TTN: variants seen among roughly 807,000 people sequenced by gnomAD.
TTN encodes the protein connectin.
In TTN, 1,525 loss-of-function variants were observed where a neutral mutation model predicts 3,223.0. That is an observed-to-expected ratio of 0.47 (90% CI 0.45 to 0.49). TTN has a LOEUF of 0.49. Ranked by LOEUF, TTN falls within the 20% of genes least tolerant of loss-of-function variation. The probability of loss-of-function intolerance (pLI) is 0.00; values close to 1 mark genes in which losing one functional copy is unlikely to be tolerated. For synonymous variants in TTN, 14,094 were observed against 15,161.0 expected, an observed-to-expected ratio of 0.93 and a Z score of 5.17; for missense variants, 40,786 against 43,424.0, an observed-to-expected ratio of 0.94 and a Z score of 5.40.
At chr2:178,547,340 A>G (rs759864880) in intron 339 of TTN, 35 bp from the exon 340 acceptor site, 17 of 1,574,264 alleles carry the variant, frequency 1.1e-5, no homozygotes, top group South Asian at 2.4e-5. Flanking sequence ...TATGAATACA[A>G]TTTTATAAAA....
chr2:178,672,577 TA>T, intron 153 of TTN, 57 bp downstream of exon 153: 2 of 1,605,434 alleles, frequency 1.2e-6, no homozygotes, highest in Non-Finnish European at 1.7e-6. Context: ...ACATGAAACA[TA>T]AAAGTCTTAA....
intron 267 of TTN, 45 bp from the exon 268 acceptor site, chr2:178,611,999 CAGTT>C (rs2056412872): frequency 6.2e-7 from 1 of 1,603,790 alleles, no homozygotes; most frequent in African/African-American, 1.3e-5. Flanking sequence ...TGAAAAAACA[CAGTT>C]AAGAATTTGC....
At position 178,591,644 on chromosome 2, in the gene TTN, C is replaced by G. The variant is rs778467153; in HGVS notation, c.60175G>C (p.Gly20059Arg). The G allele has an allele frequency of 6.2e-7, 1 of 1,613,368 alleles. No individual in the cohort carries two copies. Among genetic ancestry groups the G allele is most frequent in the Non-Finnish European group, 8.5e-7 (1 of 1,179,524 alleles). The change falls in exon 303 of 363, where the codon GGT becomes CGT. Residue 20059 changes from glycine (G) to arginine (R), a missense_variant. Transcript: ENST00000589042. ...ATCGGGATAGTTGTGTCAGGGAGAC[C>G]AAGACCCACAATGTTTTCAGCTTTT... ...RVKAENIVGL[G>R]LPDTTIPIEC... is the part of the protein sequence containing the mutation.
At chr2:178,713,049 T>C (rs1204396752) in intron 93 of TTN, 36 bp downstream of exon 93, 6 of 1,606,698 alleles carry the variant, frequency 3.7e-6, no homozygotes, top group Non-Finnish European at 5.1e-6. Flanking sequence ...TAATAAACTA[T>C]GAAATGCAAT....
Position 178,665,363 on chromosome 2 carries a change from C to G in TTN, c.36043+14G>C. 6.2e-7 allele frequency: 1 copy of G among 1,609,310 alleles called. No homozygotes were observed. The highest frequency in any genetic ancestry group is 8.5e-7 in the Non-Finnish European group (1 of 1,176,870). ...GATAATTTCTTCTTCCACATTTGTT[C>G]AGAGGTAACGTACTTTTCATACGTG... On this transcript the variant is annotated intron_variant, in intron 165 of 362. Transcript: ENST00000589042.
chr2:178,778,734 G>A (rs1351840458), intron 24 of TTN, 140 bp downstream of exon 24: 1 of 1,196,536 alleles, frequency 8.4e-7, no homozygotes, highest in Middle Eastern at 2.6e-4. Context: ...AAAACTTCTG[G>A]CAATTGTTGG....
In TTN at chr2:178,633,593, T is replaced by G; in HGVS notation, c.42766A>C (p.Lys14256Gln). 7.4e-6 allele frequency: 12 copies of G among 1,613,420 alleles called. No homozygotes were observed. The highest frequency in any genetic ancestry group is 1.0e-5 in the Non-Finnish European group (12 of 1,179,618). The stretch of plus-strand genomic sequence containing the variant: ...TTGAACCATTTCACTGGTACATCTT[T>G]GCTCACTTCACACTTCAAAGTAATC... Reference protein sequence around the residue: ...DEITLKCEVSKDVPVKWFKDG... With the variant: ...DEITLKCEVSQDVPVKWFKDG... The change falls in exon 232 of 363, where the codon AAA becomes CAA. Residue 14256 changes from lysine (K) to glutamine (Q), a missense_variant. Transcript: ENST00000589042.
chr2:178,741,097 G>GTGTC lies in TTN; in HGVS notation c.12135_12136insGACA (p.Pro4046AspfsTer6). On this transcript the variant is annotated frameshift_variant, in exon 48 of 363. Coordinates refer to ENST00000589042, the MANE Select transcript of TTN (RefSeq NM_001267550.2). LOFTEE classifies it high-confidence loss of function. Reference sequence around the variant, plus strand: ...TGTGGAAAATCCTCAGGAGCCTCTGGTGTGGACTTTGCTTTGCAGGGGGTA... The same window carrying GTGTC: ...TGTGGAAAATCCTCAGGAGCCTCTGGTGTCTGTGGACTTTGCTTTGCAGGGGGTA... The GTGTC allele has an allele frequency of 6.2e-7, 1 of 1,613,854 alleles. No individual in the cohort carries two copies. Among genetic ancestry groups the GTGTC allele is most frequent in the East Asian group, 2.2e-5 (1 of 44,886 alleles).
At position 178,732,085 on chromosome 2, in the gene TTN, A is replaced by T; in HGVS notation, c.16884T>A (p.Ser5628Arg). 2 of 1,610,542 alleles carry T rather than the reference A, an allele frequency of 1.2e-6. No individual in the cohort carries two copies. The highest frequency in any genetic ancestry group is 8.5e-7 in the Non-Finnish European group (1 of 1,177,600). Residue 5628 changes from serine to arginine, a missense_variant, in exon 57 of 363, where the codon AGT becomes AGA. Transcript: ENST00000589042. The stretch of plus-strand genomic sequence containing the variant: ...ACAAACCTTTGACTATTACAATGCT[A>T]CTGCAGTGGTCACTGCCAGCCTCAT... ...AQNEAGSDHC[S>R]SIVIVKESPY...
Position 178,539,569 on chromosome 2 carries a change from G to T in TTN, c.98496C>A (p.Ile32832=). The change falls in exon 352 of 363, where the codon ATC becomes ATA. Residue 32832 remains isoleucine, a synonymous_variant. Coordinates refer to ENST00000589042, the MANE Select transcript of TTN (RefSeq NM_001267550.2). The part of the protein sequence containing the change: ...DDGGADILGY[I]LERREVPKAA... ...CTTTAGGCACTTCTCGTCTCTCGAG[G>T]ATGTAGCCTAAGATGTCAGCACCAC... 1 of 1,613,816 alleles carries T rather than the reference G, an allele frequency of 6.2e-7. No homozygotes were observed. Among genetic ancestry groups the T allele is most frequent in the Non-Finnish European group, 8.5e-7 (1 of 1,179,790 alleles).
chr2:178,749,629 A>C, intron 47 of TTN: 1 of 1,612,396 alleles, frequency 6.2e-7, no homozygotes, highest in South Asian at 1.1e-5. Flanking sequence ...TTTCGAATTG[A>C]CTATTTTCTC....
In TTN at chr2:178,528,285, A is replaced by T; in HGVS notation, c.107366T>A (p.Leu35789Ter). The change falls in exon 361 of 363, where the codon TTA becomes TAA. Residue 35789 changes from leucine (L) to a stop codon, truncating the protein, a stop_gained. Transcript: ENST00000589042. LOFTEE classifies it high-confidence loss of function. ...FRGQCSATAS[L>*]MVLPLVEEPS... ...GAGGAGATACTTACGAAGGACCATT[A>T]AGGAAGCTGTAGCTGAACACTGGCC... 6.2e-7 allele frequency: 1 copy of T among 1,613,798 alleles called. No homozygotes were observed. The highest frequency in any genetic ancestry group is 8.5e-7 in the Non-Finnish European group (1 of 1,179,782).
intron 295 of TTN, among the ~76,000 whole-genome samples, chr2:178,595,270 A>C (rs1354928742): frequency 6.8e-6 from 1 of 147,974 alleles, no homozygotes; most frequent in Non-Finnish European, 1.5e-5. Context: ...CTATGTGTCA[A>C]AACAAAACCA....
chr2:178,587,902 G>A lies in TTN; in HGVS notation c.63505C>T (p.Leu21169=), dbSNP rs543686186. 7.6e-6 allele frequency: 12 copies of A among 1,589,064 alleles called. No homozygotes were observed. The highest frequency in any genetic ancestry group is 3.4e-4 in the Middle Eastern group (2 of 5,940). ...LKEAIKPKEI[L]EPPEIDLDAS... is the part of the protein sequence containing the mutation. ...ACATGCTAAGGGAAGGACTTACCTAGTATTTCTTTAGGTTTGATAGCTTCC... is the reference window on the plus strand; with the variant it reads ...ACATGCTAAGGGAAGGACTTACCTAATATTTCTTTAGGTTTGATAGCTTCC... Residue 21169 remains leucine (L), a synonymous_variant, in exon 305 of 363, where the codon CTA becomes TTA. Transcript: ENST00000589042.
At position 178,631,250 on chromosome 2, in the gene TTN, T is replaced by C. The variant is rs543588487; in HGVS notation, c.43798A>G (p.Lys14600Glu). Residue 14600 changes from lysine to glutamate, a missense_variant, in exon 237 of 363, where the codon AAA becomes GAA. Coordinates refer to ENST00000589042, the MANE Select transcript of TTN (RefSeq NM_001267550.2). ...GKLQDYTGVE[K>E]DEVILQCEIS... Reference sequence around the variant, plus strand: ...TCACACTGTAGAATAACTTCATCTTTCTCTACACCAGTATAATCTTGAAGT... The same window carrying C: ...TCACACTGTAGAATAACTTCATCTTCCTCTACACCAGTATAATCTTGAAGT... 5 of 1,612,254 alleles carry C rather than the reference T, an allele frequency of 3.1e-6. No individual in the cohort carries two copies. In the African/African-American group the frequency reaches 6.7e-5, roughly 21 times the overall value.
In TTN at chr2:178,620,381, A is replaced by G; in HGVS notation, c.46140T>C (p.Ser15380=). Reference sequence around the variant, plus strand: ...CTTCTATGATGAGAAGCTCAGCAACAGATTTATCTTGTCCAGCAGTGACAA... The same window carrying G: ...CTTCTATGATGAGAAGCTCAGCAACGGATTTATCTTGTCCAGCAGTGACAA... ...EYIVTAGQDK[S]VAELLIIEAP... Residue 15380 remains serine (S), a synonymous_variant, in exon 248 of 363, where the codon TCT becomes TCC. Coordinates refer to ENST00000589042, the MANE Select transcript of TTN (RefSeq NM_001267550.2). The G allele has an allele frequency of 6.2e-7, 1 of 1,611,362 alleles. No homozygotes were observed. The highest frequency in any genetic ancestry group is 8.5e-7 in the Non-Finnish European group (1 of 1,178,548).
chr2:178,700,233 T>G (rs2074717239), intron 111 of TTN, among the ~76,000 whole-genome samples: 1 of 152,238 alleles, frequency 6.6e-6, no homozygotes, highest in African/African-American at 2.4e-5. Flanking sequence ...GTATGAATCA[T>G]AAAAATGCTT....
chr2:178,747,632 G>A, intron 47 of TTN: 1 of 1,613,258 alleles, frequency 6.2e-7, no homozygotes, highest in African/African-American at 1.3e-5. Context: ...CTGGTCTCTG[G>A]TGTCTTTAGT....
intron 210 of TTN, 104 bp from the exon 211 acceptor site, chr2:178,649,998 C>G: frequency 1.4e-6 from 2 of 1,396,250 alleles, no homozygotes; most frequent in Non-Finnish European, 2.0e-6. Flanking sequence ...TATGTGGGAC[C>G]AAATTCTGTG....
Sources: allele counts gnomAD v4.1 joint callset (sites outside exome capture counted in the v4.1 genomes callset), GRCh38; gene constraint gnomAD v4.1.1; transcripts MANE v1.5; gene names NCBI Gene and HGNC (gene_info 2026-07-23, HGNC 2026-07-21).